NIBAN1: variants seen among roughly 807,000 people sequenced by gnomAD.
The protein encoded by NIBAN1 is protein Niban 1.
NIBAN1 carries 81 observed loss-of-function variants against 75.1 expected under a neutral mutation model. The observed-to-expected ratio is 1.08, with a 90% CI of 0.90 to 1.30. The LOEUF (loss-of-function observed/expected upper bound fraction) is 1.30, where lower values mean the gene tolerates loss of function less well. Among genes scored for constraint, NIBAN1 ranks in the 50% most tolerant of loss-of-function variants. NIBAN1 has a pLI of 0.00. For missense variants in NIBAN1, 1,133 were observed against 1,128.1 expected, an observed-to-expected ratio of 1.00 and a Z score of -0.06; for synonymous variants, 436 against 424.8, an observed-to-expected ratio of 1.03 and a Z score of -0.32.
At chr1:184,804,220 G>A (rs1269333814) in intron 11 of NIBAN1, among the ~76,000 whole-genome samples, 1 of 152,224 alleles carries the variant, frequency 6.6e-6, no homozygotes, top group Non-Finnish European at 1.5e-5. Context: ...TGGAGACCAG[G>A]ATTTAATTGT....
intron 11 of NIBAN1, 27 bp from the exon 12 acceptor site, chr1:184,803,719 T>C (rs1241646562): frequency 1.3e-6 from 2 of 1,578,818 alleles, no homozygotes; most frequent in East Asian, 2.2e-5. Flanking sequence ...ATATGTTAAA[T>C]AGTAACATTA....
At chr1:184,878,747 G>A (rs1410345766) in intron 5 of NIBAN1, among the ~76,000 whole-genome samples, 4 of 152,210 alleles carry the variant, frequency 2.6e-5, no homozygotes, top group African/African-American at 9.7e-5. Flanking sequence ...AAGTAACACT[G>A]AGAAGACAAC....
chr1:184,803,839 T>C (rs1275296704), intron 11 of NIBAN1, 147 bp from the exon 12 acceptor site: 2 of 652,892 alleles, frequency 3.1e-6, no homozygotes, highest in East Asian at 2.7e-5. Context: ...GATCTTTCCA[T>C]GTAATTCCCT....
chr1:184,906,048 G>T (rs531905733), intron 1 of NIBAN1, among the ~76,000 whole-genome samples: 1 of 148,314 alleles, frequency 6.7e-6, no homozygotes, highest in East Asian at 2.0e-4. Context: ...AACTAGCCTG[G>T]ACAACATAGA....
intron 1 of NIBAN1, among the ~76,000 whole-genome samples, chr1:184,936,797 A>G (rs913777265): frequency 6.6e-6 from 1 of 152,224 alleles, no homozygotes; most frequent in Admixed American, 6.5e-5. Context: ...TCTTTAACTT[A>G]ATCACATCCT....
rs550614206 is a variant in NIBAN1 at position 184,809,684 on chromosome 1, T to C, written c.1174-1449A>G. On this transcript the variant is annotated intron_variant, in intron 9 of 13. Coordinates refer to ENST00000367511, the MANE Select transcript of NIBAN1 (RefSeq NM_052966.4). ...ATATATGTGTGTGTGTATATATATA[T>C]ACATATATATGTGTATACATAAAAA... Among the ~76,000 whole-genome samples, 438 of 119,016 alleles carry C rather than the reference T, an allele frequency of 3.7e-3. 6 individuals carry two copies. The East Asian group carries it at 0.04, about 11-fold the overall frequency. 78.1% of individuals were successfully genotyped at this position (119,016 alleles called of 152,430 possible).
intron 1 of NIBAN1, among the ~76,000 whole-genome samples, chr1:184,907,236 G>T (rs564434628): frequency 1.3e-5 from 2 of 151,038 alleles, no homozygotes; most frequent in East Asian, 3.9e-4. Context: ...AAAAAATCAC[G>T]ACTTTCAGAT....
intron 5 of NIBAN1, among the ~76,000 whole-genome samples, chr1:184,871,632 G>T (rs1024646846): frequency 2.0e-5 from 3 of 152,140 alleles, no homozygotes; most frequent in Admixed American, 6.5e-5. Flanking sequence ...AAAACATAAG[G>T]CAAGTCTTGA....
rs541843521 is a variant in NIBAN1, at chr1:184,824,370, G to C, written c.718-628C>G. 1.4e-3 allele frequency among the ~76,000 whole-genome samples: 217 copies of C among 152,250 alleles called. 2 individuals carry two copies. Among genetic ancestry groups the C allele is most frequent in the South Asian group, 0.011 (51 of 4,820 alleles). ...CATGCAGTGCCTTCATCCAGCACTG[G>C]AGAAAGTCTGAGGGGATGCTCCAAG... On this transcript the variant is annotated intron_variant, in intron 6 of 13. Coordinates refer to ENST00000367511, the MANE Select transcript of NIBAN1 (RefSeq NM_052966.4).
chr1:184,899,169 CA>C lies in NIBAN1; in HGVS notation c.186+9del. On this transcript the variant is annotated intron_variant, in intron 2 of 13. Transcript: ENST00000367511. ...GGGAAATACATGTAAACCAAATATCCATGGCTTACCTTGGTCTTCAAAAACT... is the reference window on the plus strand; with the variant it reads ...GGGAAATACATGTAAACCAAATATCCTGGCTTACCTTGGTCTTCAAAAACT... 6.2e-7 allele frequency: 1 copy of C among 1,613,474 alleles called. No homozygotes were observed. Among genetic ancestry groups the C allele is most frequent in the Non-Finnish European group, 8.5e-7 (1 of 1,179,596 alleles).
At chr1:184,842,904 G>GA (rs139980970) in intron 5 of NIBAN1, among the ~76,000 whole-genome samples, 29,750 of 149,776 alleles carry the variant, frequency 0.2, 5,380 homozygotes, top group African/African-American at 0.49. Flanking sequence ...TCACGTTTGA[G>GA]AAAAAAAAAA....
intron 1 of NIBAN1, among the ~76,000 whole-genome samples, chr1:184,925,641 A>G (rs745662999): frequency 4.6e-5 from 7 of 151,864 alleles, no homozygotes; most frequent in Non-Finnish European, 8.8e-5. Flanking sequence ...CCATTATTTT[A>G]AACTGATGAC....
intron 1 of NIBAN1, among the ~76,000 whole-genome samples, chr1:184,928,501 A>G (rs1657738949): frequency 6.6e-6 from 1 of 152,156 alleles, no homozygotes; most frequent in Admixed American, 6.5e-5. Context: ...GCCAGCACTC[A>G]GGTTCTGACC....
chr1:184,937,008 T>C (rs938370599), intron 1 of NIBAN1, among the ~76,000 whole-genome samples: 1 of 152,150 alleles, frequency 6.6e-6, no homozygotes, highest in Non-Finnish European at 1.5e-5. Flanking sequence ...CCTATCCCTT[T>C]CCTCCTATGC....
At chr1:184,816,949 C>T (rs1181574334) in intron 9 of NIBAN1, among the ~76,000 whole-genome samples, 1 of 151,994 alleles carries the variant, frequency 6.6e-6, no homozygotes, top group Admixed American at 6.6e-5. Context: ...CATAGGTATA[C>T]ATGTGCCATG....
intron 1 of NIBAN1, among the ~76,000 whole-genome samples, chr1:184,914,476 G>A (rs545999285): frequency 3.3e-5 from 5 of 152,112 alleles, no homozygotes; most frequent in African/African-American, 1.2e-4. Context: ...TGTTCTGTGC[G>A]GTACAACAGT....
intron 1 of NIBAN1, among the ~76,000 whole-genome samples, chr1:184,903,710 C>A (rs979737761): frequency 1.3e-5 from 2 of 148,596 alleles, no homozygotes; most frequent in African/African-American, 4.9e-5. Flanking sequence ...GCTGTAGAAC[C>A]AAGAACCATG....
chr1:184,912,952 A>C (rs1276209331), intron 1 of NIBAN1, among the ~76,000 whole-genome samples: 1 of 152,018 alleles, frequency 6.6e-6, no homozygotes, highest in Non-Finnish European at 1.5e-5. Flanking sequence ...CTGAATCAGA[A>C]ATTCTGGAGG....
At chr1:184,971,144 G>A (rs547262314) in intron 1 of NIBAN1, among the ~76,000 whole-genome samples, 15 of 152,028 alleles carry the variant, frequency 9.9e-5, no homozygotes, top group Admixed American at 8.5e-4. Context: ...TTAGCTGGGC[G>A]TGGTGGCACA....
Sources: allele counts gnomAD v4.1 joint callset (sites outside exome capture counted in the v4.1 genomes callset), GRCh38; gene constraint gnomAD v4.1.1; transcripts MANE v1.5; gene names NCBI Gene and HGNC (gene_info 2026-07-23, HGNC 2026-07-21).